CDKAL1: variants seen among roughly 807,000 people sequenced by gnomAD.
CDKAL1 encodes threonylcarbamoyladenosine tRNA methylthiotransferase.
In CDKAL1, 32 loss-of-function variants were observed where a neutral mutation model predicts 68.2. The ratio of observed to expected loss-of-function variants is 0.47; its 90% CI spans 0.35 to 0.63. The LOEUF is 0.63. CDKAL1 is among the 30% of genes least tolerant of loss of function. The probability of loss-of-function intolerance (pLI) is 0.00; values close to 1 mark genes in which losing one functional copy is unlikely to be tolerated. For missense variants in CDKAL1, 606 were observed against 696.7 expected (o/e 0.87, Z 1.47); for synonymous variants, 234 against 244.3 (o/e 0.96, Z 0.39).
At chr6:20,864,303 A>G (rs951550763) in intron 9 of CDKAL1, among the ~76,000 whole-genome samples, 1 of 134,540 alleles carries the variant, frequency 7.4e-6, no homozygotes, top group African/African-American at 2.8e-5. Flanking sequence ...TAGACTTAAA[A>G]TGGTGACATT....
chr6:20,817,693 A>G (rs555124583), intron 8 of CDKAL1, among the ~76,000 whole-genome samples: 1 of 152,250 alleles, frequency 6.6e-6, no homozygotes, highest in South Asian at 2.1e-4. Context: ...ACTATCTGAA[A>G]AGAGTTGACT....
intron 10 of CDKAL1, among the ~76,000 whole-genome samples, chr6:20,961,332 C>T (rs1011127716): frequency 1.3e-5 from 2 of 152,076 alleles, no homozygotes; most frequent in Admixed American, 6.6e-5. Flanking sequence ...AGCAAACTAA[C>T]GCAGGAATAG....
At chr6:20,660,233 T>G (rs1220991143) in intron 5 of CDKAL1, among the ~76,000 whole-genome samples, 1 of 152,176 alleles carries the variant, frequency 6.6e-6, no homozygotes, top group Non-Finnish European at 1.5e-5. Context: ...TATTATTTGT[T>G]TACATATTTG....
chr6:20,817,875 A>G (rs897492856), intron 8 of CDKAL1, among the ~76,000 whole-genome samples: 2 of 152,174 alleles, frequency 1.3e-5, no homozygotes, highest in Admixed American at 6.6e-5. Flanking sequence ...GTGAAAAAAG[A>G]ACTGCCTGAT....
intron 4 of CDKAL1, among the ~76,000 whole-genome samples, chr6:20,617,507 T>G (rs891418882): frequency 6.6e-6 from 1 of 152,216 alleles, no homozygotes; most frequent in Non-Finnish European, 1.5e-5. Flanking sequence ...CATGTTGGTG[T>G]GCTGCACCTG....
intron 5 of CDKAL1, among the ~76,000 whole-genome samples, chr6:20,716,168 G>A (rs1208519189): frequency 6.6e-6 from 1 of 152,118 alleles, no homozygotes; most frequent in Non-Finnish European, 1.5e-5. Flanking sequence ...AGCCTTGTGG[G>A]GATTGGGGAG....
intron 11 of CDKAL1, among the ~76,000 whole-genome samples, chr6:21,032,971 A>G (rs145362333): frequency 4.9e-4 from 75 of 152,298 alleles, no homozygotes; most frequent in African/African-American, 1.7e-3. Context: ...GTTATGATGT[A>G]CTTTTGACAT....
chr6:20,562,003 C>T (rs1764285080), intron 4 of CDKAL1, among the ~76,000 whole-genome samples: 1 of 152,120 alleles, frequency 6.6e-6, no homozygotes, highest in African/African-American at 2.4e-5. Flanking sequence ...CTAATTTAAT[C>T]CATTCTTATT....
At chr6:20,825,170 T>C (rs1287159948) in intron 8 of CDKAL1, among the ~76,000 whole-genome samples, 1 of 152,160 alleles carries the variant, frequency 6.6e-6, no homozygotes, top group African/African-American at 2.4e-5. Context: ...TCTTCCTTTT[T>C]CCTTTTTCTT....
chr6:20,947,588 C>A (rs1362307061), intron 9 of CDKAL1, among the ~76,000 whole-genome samples: 2 of 151,874 alleles, frequency 1.3e-5, no homozygotes, highest in Non-Finnish European at 2.9e-5. Flanking sequence ...AAGACCCTGT[C>A]TTAAAAACAA....
intron 11 of CDKAL1, among the ~76,000 whole-genome samples, chr6:21,034,424 C>T (rs190175813): frequency 2.1e-4 from 32 of 151,230 alleles, no homozygotes; most frequent in Admixed American, 5.9e-4. Flanking sequence ...CAACCTTTAA[C>T]GATTTTTAAT....
intron 4 of CDKAL1, among the ~76,000 whole-genome samples, chr6:20,641,951 T>G (rs1768197492): frequency 1.3e-5 from 2 of 152,204 alleles, no homozygotes; most frequent in Non-Finnish European, 2.9e-5. Flanking sequence ...TCCAAAGAGT[T>G]TCATCAGCGT....
At chr6:21,205,543 T>TTC (rs1013023902) in intron 15 of CDKAL1, among the ~76,000 whole-genome samples, 1 of 151,954 alleles carries the variant, frequency 6.6e-6, no homozygotes. Context: ...TTGTTTTGTT[T>TTC]TTTTTGAGAC....
intron 8 of CDKAL1, among the ~76,000 whole-genome samples, chr6:20,841,922 G>A (rs1778190141): frequency 6.6e-6 from 1 of 152,228 alleles, no homozygotes; most frequent in Non-Finnish European, 1.5e-5. Context: ...CATCAGGACA[G>A]TCTAGGCCTA....
chr6:20,835,914 A>T (rs1190701604), intron 8 of CDKAL1, among the ~76,000 whole-genome samples: 2 of 152,070 alleles, frequency 1.3e-5, no homozygotes, highest in African/African-American at 4.8e-5. Context: ...CGGCACCAAG[A>T]ATCTGCTGGT....
intron 11 of CDKAL1, among the ~76,000 whole-genome samples, chr6:21,003,839 T>G (rs1207919319): frequency 1.3e-5 from 2 of 152,204 alleles, no homozygotes; most frequent in Non-Finnish European, 2.9e-5. Context: ...GATTTGTGCC[T>G]AACGCTCATT....
At chr6:20,585,972 T>C (rs4357125) in intron 4 of CDKAL1, among the ~76,000 whole-genome samples, 125,364 of 152,088 alleles carry the variant, frequency 0.82, 52,275 homozygotes, top group African/African-American at 0.96. Context: ...CACAAATCTG[T>C]TGCTCCATGT....
chr6:20,779,928 G>A (rs1257443331), intron 7 of CDKAL1, among the ~76,000 whole-genome samples: 1 of 151,810 alleles, frequency 6.6e-6, no homozygotes, highest in Non-Finnish European at 1.5e-5. Context: ...TATAGGCTAT[G>A]GGATATACCT....
chr6:20,905,993 C>T lies in CDKAL1; in HGVS notation c.743-49426C>T, dbSNP rs138390666. On this transcript the variant is annotated intron_variant, in intron 9 of 15. Transcript: ENST00000274695. ...GGCGTGAAAGGACACTGGACAATAACCTGAAACCCTTTGAAGAAATACACA... is the reference window on the plus strand; with the variant it reads ...GGCGTGAAAGGACACTGGACAATAATCTGAAACCCTTTGAAGAAATACACA... 2.8e-3 allele frequency among the ~76,000 whole-genome samples: 423 copies of T among 152,204 alleles called. 2 individuals are homozygous for T. The highest frequency in any genetic ancestry group is 9.8e-3 in the African/African-American group (406 of 41,528).
Sources: allele counts gnomAD v4.1 joint callset (sites outside exome capture counted in the v4.1 genomes callset), GRCh38; gene constraint gnomAD v4.1.1; transcripts MANE v1.5; gene names NCBI Gene and HGNC (gene_info 2026-07-23, HGNC 2026-07-21).